ACTR2: variants seen among roughly 807,000 people sequenced by gnomAD.
The protein encoded by ACTR2 is actin related protein 2.
In ACTR2, 5 loss-of-function variants were observed where a neutral mutation model predicts 50.2. The observed-to-expected ratio is 0.10, with a 90% CI of 0.05 to 0.21. The LOEUF is 0.21. Among genes scored for constraint, ACTR2 ranks in the 10% least tolerant of loss-of-function variants. The pLI is 1.00. For synonymous variants in ACTR2, 140 were observed against 162.9 expected (o/e 0.86, Z 1.07); for missense variants, 180 against 480.6 (o/e 0.37, Z 5.85).
At chr2:65,232,352 A>C (rs1316007566) in intron 1 of ACTR2, among the ~76,000 whole-genome samples, 2 of 152,248 alleles carry the variant, frequency 1.3e-5, no homozygotes, top group East Asian at 3.8e-4. Flanking sequence ...ATAGTGCTAG[A>C]ATAATTGCAT....
chr2:65,236,737 T>A (rs912373155), intron 1 of ACTR2, among the ~76,000 whole-genome samples: 6 of 152,076 alleles, frequency 3.9e-5, no homozygotes, highest in Non-Finnish European at 4.4e-5. Flanking sequence ...TGCACCACCA[T>A]ACCTGGCTAA....
chr2:65,241,916 A>T, intron 2 of ACTR2: 1 of 1,074,214 alleles, frequency 9.3e-7, no homozygotes, highest in Non-Finnish European at 1.4e-6. Flanking sequence ...ATATAGTAGT[A>T]CTGCATCTGA....
At chr2:65,260,066 T>C (rs1292871567) in intron 6 of ACTR2, among the ~76,000 whole-genome samples, 1 of 152,228 alleles carries the variant, frequency 6.6e-6, no homozygotes, top group Non-Finnish European at 1.5e-5. Flanking sequence ...CTAATAAAAA[T>C]AGTCTAGACC....
intron 8 of ACTR2, 114 bp downstream of exon 8, chr2:65,265,289 T>A: frequency 5.6e-6 from 6 of 1,071,470 alleles, no homozygotes; most frequent in Non-Finnish European, 8.6e-6. Context: ...AAATTCCTAC[T>A]GCAGTCAAGT....
intron 1 of ACTR2, among the ~76,000 whole-genome samples, chr2:65,238,599 C>T (rs189695010): frequency 2.8e-5 from 4 of 141,040 alleles, no homozygotes; most frequent in South Asian, 4.5e-4. Context: ...GTGGAGCTTG[C>T]GGTGAGCCGG....
chr2:65,228,769 T>C (rs1404554229), intron 1 of ACTR2, among the ~76,000 whole-genome samples: 2 of 152,134 alleles, frequency 1.3e-5, no homozygotes, highest in African/African-American at 4.8e-5. Flanking sequence ...GATTCAAAAA[T>C]TGTAAAATCT....
intron 2 of ACTR2, 40 bp downstream of exon 2, chr2:65,240,002 T>C (rs1409267539): frequency 3.8e-6 from 5 of 1,333,296 alleles, no homozygotes; most frequent in Non-Finnish European, 5.3e-6. Flanking sequence ...TCAAGACATG[T>C]GAGGTGTTCT....
intron 1 of ACTR2, among the ~76,000 whole-genome samples, chr2:65,233,487 C>G (rs1465352433): frequency 6.6e-6 from 1 of 151,470 alleles, no homozygotes; most frequent in Non-Finnish European, 1.5e-5. Flanking sequence ...ACCCCTGTCT[C>G]CACAAAAAAT....
chr2:65,253,914 C>A, intron 5 of ACTR2, 50 bp downstream of exon 5: 1 of 1,493,904 alleles, frequency 6.7e-7, no homozygotes. Context: ...ATTTGTTTAC[C>A]ACCTTAACAC....
intron 1 of ACTR2, 183 bp downstream of exon 1, chr2:65,228,140 T>G: frequency 2.1e-6 from 1 of 486,416 alleles, no homozygotes; most frequent in Non-Finnish European, 3.4e-6. Context: ...CCCTTGAGCC[T>G]GCCACCCATT....
chr2:65,244,716 G>C (rs953737234), intron 2 of ACTR2, among the ~76,000 whole-genome samples: 4 of 152,134 alleles, frequency 2.6e-5, no homozygotes, highest in Admixed American at 6.5e-5. Context: ...GGGAGGCTGA[G>C]GTGGGCGGAT....
chr2:65,236,819 T>G (rs1459391050), intron 1 of ACTR2, among the ~76,000 whole-genome samples: 2 of 152,106 alleles, frequency 1.3e-5, no homozygotes, highest in African/African-American at 4.8e-5. Flanking sequence ...TGGCCTCATG[T>G]GATTCAAGTG....
At chr2:65,250,749 C>A in intron 3 of ACTR2, among the ~76,000 whole-genome samples, 1 of 149,238 alleles carries the variant, frequency 6.7e-6, no homozygotes, top group Non-Finnish European at 1.5e-5. Flanking sequence ...AGAGAGCTTT[C>A]TTTCACACTA....
chr2:65,244,391 G>T (rs1349268290), intron 2 of ACTR2, among the ~76,000 whole-genome samples: 1 of 152,010 alleles, frequency 6.6e-6, no homozygotes, highest in Non-Finnish European at 1.5e-5. Context: ...ATTTTATTAA[G>T]CAGTATTAAG....
At chr2:65,260,832 C>T (rs901787378) in intron 6 of ACTR2, among the ~76,000 whole-genome samples, 2 of 151,226 alleles carry the variant, frequency 1.3e-5, no homozygotes, top group African/African-American at 4.9e-5. Flanking sequence ...CGGGTTCACG[C>T]CATTCTCCTG....
rs942455645 is a variant in ACTR2 at position 65,269,680 on chromosome 2, A to C, written c.*946A>C. On this transcript the variant is annotated 3_prime_UTR_variant, in exon 9 of 9. Coordinates refer to ENST00000260641, the MANE Select transcript of ACTR2 (RefSeq NM_005722.4). The stretch of plus-strand genomic sequence containing the variant: ...GAAGCATTAAGGTAACCCATTGCCA[A>C]GTATCATTCTTGCAAATTATTCTTT... 2.0e-5 allele frequency: 3 copies of C among 152,194 alleles called. No individual in the cohort carries two copies. Among genetic ancestry groups the C allele is most frequent in the African/African-American group, 7.2e-5 (3 of 41,444 alleles). The allele number at this position is 152,194 out of a possible 1,614,324, so 9.4% of individuals were successfully genotyped here. A position where few individuals can be genotyped will look rare whatever the true frequency, so the allele number is the denominator to read the frequency against.
intron 1 of ACTR2, 57 bp downstream of exon 1, chr2:65,228,014 T>A: frequency 6.9e-7 from 1 of 1,456,256 alleles, no homozygotes; most frequent in Non-Finnish European, 9.1e-7. Flanking sequence ...GACGAGCAGC[T>A]GGCGCACGGG....
intron 2 of ACTR2, 90 bp from the exon 3 acceptor site, chr2:65,246,434 C>T (rs1448632692): frequency 8.1e-6 from 7 of 865,572 alleles, no homozygotes; most frequent in Non-Finnish European, 1.2e-5. Context: ...ATTTATTTTG[C>T]AAGTGTCAGA....
At chr2:65,264,864 T>G (rs189966080) in intron 7 of ACTR2, among the ~76,000 whole-genome samples, 179 bp from the exon 8 acceptor site, 17 of 152,360 alleles carry the variant, frequency 1.1e-4, no homozygotes, top group African/African-American at 4.1e-4. Flanking sequence ...AGATTTTATA[T>G]GTAAAGAGGG....
Sources: gnomAD v4.1 joint callset for allele counts (sites outside exome capture counted in the v4.1 genomes callset) on GRCh38, gnomAD v4.1.1 for gene constraint, MANE v1.5 for transcripts, NCBI Gene and HGNC (gene_info 2026-07-23, HGNC 2026-07-21) for gene names.